ZNF700: variants seen among roughly 807,000 people sequenced by gnomAD.
ZNF700 encodes zinc finger protein 700.
In ZNF700, 38 loss-of-function variants were observed where a neutral mutation model predicts 65.3. The ratio of observed to expected loss-of-function variants is 0.58; its 90% CI spans 0.45 to 0.76. The LOEUF (loss-of-function observed/expected upper bound fraction) is 0.76. ZNF700 is among the 30% of genes least tolerant of loss of function. The pLI, the probability that ZNF700 is intolerant of heterozygous loss-of-function variation, is 0.00. For missense variants in ZNF700, 857 were observed against 888.4 expected, an observed-to-expected ratio of 0.96 and a Z score of 0.45; for synonymous variants, 285 against 290.4, an observed-to-expected ratio of 0.98 and a Z score of 0.19.
rs1476570699 is a variant in ZNF700 at position 11,950,048 on chromosome 19, C to A, written c.2024C>A (p.Pro675His). 2 of 1,614,074 alleles carry A rather than the reference C, an allele frequency of 1.2e-6. No individual in the cohort carries two copies. Among genetic ancestry groups the A allele is most frequent in the Non-Finnish European group, 1.7e-6 (2 of 1,180,000 alleles). Residue 675 changes from proline to histidine, a missense_variant, in exon 4 of 4, where the codon CCC (proline) becomes CAC (histidine). By Grantham distance (77) the Pro-to-His change is moderately conservative. Coordinates refer to ENST00000254321, the MANE Select transcript of ZNF700 (RefSeq NM_144566.3). Reference sequence around the variant, plus strand: ...GAAAGGAAGCACAGAGGAGAGAAGCCCTATGAATGTAAGCATTGTGGGAAT... The same window carrying A: ...GAAAGGAAGCACAGAGGAGAGAAGCACTATGAATGTAAGCATTGTGGGAAT... ...IHERKHRGEK[P>H]YECKHCGNGF...
rs779403412 is a variant in ZNF700, at chr19:11,948,798, C to T, written c.774C>T (p.Ser258=). 6.2e-7 allele frequency: 1 copy of T among 1,610,058 alleles called. No homozygotes were observed. The highest frequency in any genetic ancestry group is 1.1e-5 in the South Asian group (1 of 90,320). ...KPYECKQCGK[S]FTYSATLQIH... Reference sequence around the variant, plus strand: ...ATGAATGTAAACAATGTGGTAAATCCTTTACTTATTCTGCTACCCTTCAAA... The same window carrying T: ...ATGAATGTAAACAATGTGGTAAATCTTTTACTTATTCTGCTACCCTTCAAA... Residue 258 remains serine, a synonymous_variant, in exon 4 of 4, where the codon TCC becomes TCT. Transcript: ENST00000254321.
chr19:11,937,497 T>G (rs1039391887), intron 1 of ZNF700, among the ~76,000 whole-genome samples: 33 of 149,266 alleles, frequency 2.2e-4, no homozygotes, highest in Non-Finnish European at 4.2e-4. Context: ...TTCCTTTTTT[T>G]TTTTTTTTTG....
intron 2 of ZNF700, 23 bp downstream of exon 2, chr19:11,947,330 C>T (rs776906208): frequency 9.3e-6 from 15 of 1,612,934 alleles, no homozygotes; most frequent in Admixed American, 5.0e-5. Flanking sequence ...ATATTCCTTC[C>T]GTCAGTGCAT....
chr19:11,943,724 C>T (rs116523909), intron 1 of ZNF700, among the ~76,000 whole-genome samples: 1,647 of 152,256 alleles, frequency 0.011, 23 homozygotes, highest in African/African-American at 0.035. Flanking sequence ...TAACTTGTTG[C>T]CCTACCTCAG....
At chr19:11,944,340 C>T (rs1310144924) in intron 1 of ZNF700, among the ~76,000 whole-genome samples, 1 of 152,074 alleles carries the variant, frequency 6.6e-6, no homozygotes, top group Non-Finnish European at 1.5e-5. Flanking sequence ...ACAGGGAGAG[C>T]TTGTACACAC....
intron 1 of ZNF700, among the ~76,000 whole-genome samples, chr19:11,928,058 C>G (rs1010829494): frequency 7.3e-5 from 11 of 151,722 alleles, no homozygotes; most frequent in African/African-American, 2.7e-4. Context: ...AGCAGTGGTG[C>G]GATGATGGCT....
At chr19:11,937,367 G>A (rs1472267837) in intron 1 of ZNF700, among the ~76,000 whole-genome samples, 1 of 152,074 alleles carries the variant, frequency 6.6e-6, no homozygotes, top group Non-Finnish European at 1.5e-5. Flanking sequence ...TTACAGAGAC[G>A]GGGTCTCCCT....
rs201222109 is a variant in ZNF700 at position 11,950,254 on chromosome 19, C to T, written c.*1C>T. On this transcript the variant is annotated 3_prime_UTR_variant, in exon 4 of 4. Transcript: ENST00000254321. ...GGATTGTGGGAAAGCATTCAGCTAG[C>T]CTGGTTCCTTTTATGGACATGAATA... 1.2e-6 allele frequency: 2 copies of T among 1,604,882 alleles called. No homozygotes were observed. The highest frequency in any genetic ancestry group is 4.5e-5 in the East Asian group (2 of 44,758).
rs1399668043 is a variant in ZNF700 at position 11,947,593 on chromosome 19, A to G, written c.251+19A>G. On this transcript the variant is annotated intron_variant, in intron 3 of 3. Coordinates refer to ENST00000254321, the MANE Select transcript of ZNF700 (RefSeq NM_144566.3). ...GCTTCAGGTAATTTGCATTTCCAAGAGAAAGCAGTGTCTCTCTGCACAATC... is the reference window on the plus strand; with the variant it reads ...GCTTCAGGTAATTTGCATTTCCAAGGGAAAGCAGTGTCTCTCTGCACAATC... 6.2e-7 allele frequency: 1 copy of G among 1,608,806 alleles called. No homozygotes were observed. Among genetic ancestry groups the G allele is most frequent in the Admixed American group, 1.7e-5 (1 of 59,822 alleles).
chr19:11,932,497 C>T (rs1972728793), intron 1 of ZNF700, among the ~76,000 whole-genome samples: 1 of 148,322 alleles, frequency 6.7e-6, no homozygotes, highest in South Asian at 2.1e-4. Flanking sequence ...AAAAGAGTTG[C>T]ACAATGAATC....
At chr19:11,927,549 T>A (rs1277409868) in intron 1 of ZNF700, among the ~76,000 whole-genome samples, 1 of 152,094 alleles carries the variant, frequency 6.6e-6, no homozygotes, top group Admixed American at 6.6e-5. Flanking sequence ...TGTCTTTAAG[T>A]TTTTCTTATG....
intron 1 of ZNF700, among the ~76,000 whole-genome samples, chr19:11,928,549 G>A (rs1027378707): frequency 7.3e-5 from 11 of 150,044 alleles, no homozygotes; most frequent in African/African-American, 1.0e-4. Context: ...CGGCTAAAAC[G>A]GTGAAACCCC....
At chr19:11,943,463 G>A (rs1017867104) in intron 1 of ZNF700, among the ~76,000 whole-genome samples, 5 of 152,102 alleles carry the variant, frequency 3.3e-5, no homozygotes, top group East Asian at 1.9e-4. Context: ...CATATGATCC[G>A]GTTGAGCATG....
At chr19:11,928,892 C>T (rs1035128619) in intron 1 of ZNF700, among the ~76,000 whole-genome samples, 5 of 147,192 alleles carry the variant, frequency 3.4e-5, no homozygotes, top group Middle Eastern at 3.2e-3. Flanking sequence ...CCAGCCTGGG[C>T]AACATATTGA....
At chr19:11,938,636 C>G (rs903266970) in intron 1 of ZNF700, among the ~76,000 whole-genome samples, 2 of 151,648 alleles carry the variant, frequency 1.3e-5, no homozygotes, top group Admixed American at 6.6e-5. Context: ...CCTATGACAT[C>G]TGGGTTGGTT....
rs7258125 is a variant in ZNF700 at position 11,950,490 on chromosome 19, G to A, written c.*237G>A. 2.6e-3 allele frequency: 1,665 copies of A among 631,922 alleles called. 28 individuals carry two copies. The African/African-American group carries it at 0.028, about 11-fold the overall frequency. The allele number at this position is 631,922 out of a possible 1,614,324, so 39.1% of individuals were successfully genotyped here. A position where few individuals can be genotyped will look rare whatever the true frequency, so the allele number is the denominator to read the frequency against. ...AACCCTATGAGTGTATTCTAGTTCC[G>A]TTTGATATCATGAAAGGACTTACAC... On this transcript the variant is annotated 3_prime_UTR_variant, in exon 4 of 4. Coordinates refer to ENST00000254321, the MANE Select transcript of ZNF700 (RefSeq NM_144566.3).
At chr19:11,930,098 CA>C (rs1972691592) in intron 1 of ZNF700, among the ~76,000 whole-genome samples, 1 of 148,202 alleles carries the variant, frequency 6.7e-6, no homozygotes, top group Admixed American at 6.6e-5. Context: ...CCCAAGGGAG[CA>C]GCTGAATGAC....
chr19:11,949,765 A>G lies in ZNF700; in HGVS notation c.1741A>G (p.Met581Val), dbSNP rs757949106. Residue 581 changes from methionine to valine, a missense_variant, in exon 4 of 4, where the codon ATG becomes GTG. By Grantham distance (21) the Met-to-Val change is conservative. Coordinates refer to ENST00000254321, the MANE Select transcript of ZNF700 (RefSeq NM_144566.3). ...KAFRSASHLR[M>V]HERTHTGEKP... Reference sequence around the variant, plus strand: ...CTTCAGATCTGCCTCACACCTTCGAATGCATGAAAGGACTCACACTGGAGA... The same window carrying G: ...CTTCAGATCTGCCTCACACCTTCGAGTGCATGAAAGGACTCACACTGGAGA... The G allele has an allele frequency of 3.1e-6, 5 of 1,612,176 alleles. No individual in the cohort carries two copies. The South Asian group carries it at 4.4e-5, about 14-fold the overall frequency.
intron 1 of ZNF700, among the ~76,000 whole-genome samples, chr19:11,932,670 C>T (rs1207320888): frequency 1.5e-5 from 2 of 134,516 alleles, no homozygotes; most frequent in Non-Finnish European, 3.0e-5. Flanking sequence ...CAGAGTCTTG[C>T]CCTGTCGCCC....
Sources: allele counts gnomAD v4.1 joint callset (sites outside exome capture counted in the v4.1 genomes callset), GRCh38; gene constraint gnomAD v4.1.1; transcripts MANE v1.5; gene names NCBI Gene and HGNC (gene_info 2026-07-23, HGNC 2026-07-21).